TMBIM4: variants seen among roughly 807,000 people sequenced by gnomAD.
The protein encoded by TMBIM4 is transmembrane BAX inhibitor motif containing 4.
Under a neutral mutation model 27.7 loss-of-function variants are expected in TMBIM4, and 28 were observed. That is an observed-to-expected ratio of 1.01 (90% CI 0.75 to 1.38). TMBIM4 has a LOEUF of 1.38. TMBIM4 is among the 40% of genes most tolerant of loss of function. TMBIM4 has a pLI of 0.00. For missense variants in TMBIM4, 265 were observed against 277.5 expected (o/e 0.95, Z 0.32); for synonymous variants, 115 against 113.1 (o/e 1.02, Z -0.11).
chr12:66,149,733 G>A (rs2051814472), intron 3 of TMBIM4, among the ~76,000 whole-genome samples: 1 of 152,152 alleles, frequency 6.6e-6, no homozygotes, highest in Non-Finnish European at 1.5e-5. Context: ...ATGTAGCTCA[G>A]AGTGTCTTTG....
At chr12:66,156,099 C>A (rs1359539129) in intron 1 of TMBIM4, among the ~76,000 whole-genome samples, 1 of 152,100 alleles carries the variant, frequency 6.6e-6, no homozygotes, top group Non-Finnish European at 1.5e-5. Context: ...GTATTGACAC[C>A]CATTGTGAAT....
intron 6 of TMBIM4, 147 bp from the exon 7 acceptor site, chr12:66,138,313 C>T: frequency 4.9e-6 from 7 of 1,423,124 alleles, no homozygotes; most frequent in Admixed American, 6.1e-5. Context: ...CAGAAAAAGG[C>T]AAGGCAAGTC....
At position 66,169,842 on chromosome 12, in the gene TMBIM4, G is replaced by C. The variant is rs77200887; in HGVS notation, c.97+13C>G. 1.1e-5 allele frequency: 16 copies of C among 1,509,352 alleles called. No individual in the cohort carries two copies. The East Asian group carries it at 3.1e-4, about 29-fold the overall frequency. 93.5% of individuals were successfully genotyped at this position (1,509,352 alleles called of 1,614,324 possible). A position where few individuals can be genotyped will look rare whatever the true frequency, so the allele number is the denominator to read the frequency against. On this transcript the variant is annotated intron_variant, in intron 1 of 6. Coordinates refer to ENST00000358230, the MANE Select transcript of TMBIM4 (RefSeq NM_016056.4). The stretch of plus-strand genomic sequence containing the variant: ...ACAAGCGGCTGGGAGGCACTGGAGA[G>C]GGGACAACGTACCCATTCGGATGTG...
intron 1 of TMBIM4, chr12:66,160,401 C>A: frequency 1.3e-5 from 7 of 556,538 alleles, no homozygotes; most frequent in South Asian, 9.9e-5. Context: ...GAGAAATTTA[C>A]AAAGATATAA....
At chr12:66,151,357 C>G (rs547093987) in intron 3 of TMBIM4, among the ~76,000 whole-genome samples, 3 of 152,208 alleles carry the variant, frequency 2.0e-5, no homozygotes, top group East Asian at 3.9e-4. Context: ...CCCACCTCAG[C>G]CTCCCAAGTA....
chr12:66,168,951 G>A, intron 1 of TMBIM4: 1 of 205,742 alleles, frequency 4.9e-6, no homozygotes, highest in Non-Finnish European at 9.8e-6. Context: ...TTAAAAAAAA[G>A]CTGAGTTCAC....
rs1396444492 is a variant in TMBIM4 at position 66,153,390 on chromosome 12, A to G, written c.156T>C (p.Thr52=). Reference sequence around the variant, plus strand: ...ACTCAAAGTATAAAAAAACTGTTGAAGTCACTGTAGTTAAGAGAACCTGCA... The same window carrying G: ...ACTCAAAGTATAAAAAAACTGTTGAGGTCACTGTAGTTAAGAGAACCTGCA... ...LSLQVLLTTV[T]STVFLYFESV... Residue 52 remains threonine, a synonymous_variant, in exon 2 of 7, where the codon ACT becomes ACC. Coordinates refer to ENST00000358230, the MANE Select transcript of TMBIM4 (RefSeq NM_016056.4). The G allele has an allele frequency of 7.5e-6, 12 of 1,602,740 alleles. No homozygotes were observed. The highest frequency in any genetic ancestry group is 1.0e-5 in the Non-Finnish European group (12 of 1,176,430).
chr12:66,152,213 C>A (rs1565785186), intron 3 of TMBIM4, 58 bp downstream of exon 3: 10 of 1,002,012 alleles, frequency 1.0e-5, no homozygotes, highest in African/African-American at 1.6e-5. Flanking sequence ...ATTATATATG[C>A]ATTTATTTAA....
chr12:66,153,873 A>C (rs1362336072), intron 1 of TMBIM4, among the ~76,000 whole-genome samples: 2 of 152,178 alleles, frequency 1.3e-5, no homozygotes, highest in African/African-American at 4.8e-5. Context: ...CAAAAATAGT[A>C]AAACTATTTC....
rs1453963543 is a variant in TMBIM4 at position 66,152,286 on chromosome 12, G to A, written c.297C>T (p.Tyr99=). 4 of 1,591,202 alleles carry A rather than the reference G, an allele frequency of 2.5e-6. No individual in the cohort carries two copies. The South Asian group carries it at 4.6e-5, about 18-fold the overall frequency. ...LNRHKYPLNL[Y]LLFGFTLLEA... ...GAGTACTCACAAATCCAAAAAGTAG[G>A]TACAGGTTAAGGGGATACTTATGTC... Residue 99 remains tyrosine (Y), a synonymous_variant, in exon 3 of 7, where the codon TAC becomes TAT. Coordinates refer to ENST00000358230, the MANE Select transcript of TMBIM4 (RefSeq NM_016056.4).
intron 3 of TMBIM4, among the ~76,000 whole-genome samples, chr12:66,148,401 C>T (rs1184861268): frequency 6.6e-6 from 1 of 152,144 alleles, no homozygotes; most frequent in African/African-American, 2.4e-5. Context: ...AGAATTTTTA[C>T]CTGGACACAT....
At chr12:66,149,476 A>T (rs2051808880) in intron 3 of TMBIM4, among the ~76,000 whole-genome samples, 1 of 150,496 alleles carries the variant, frequency 6.6e-6, no homozygotes. Flanking sequence ...AAAGAAAGAA[A>T]TTTTTTTGGG....
At chr12:66,148,994 C>T (rs1409188635) in intron 3 of TMBIM4, among the ~76,000 whole-genome samples, 1 of 152,126 alleles carries the variant, frequency 6.6e-6, no homozygotes, top group Non-Finnish European at 1.5e-5. Context: ...GTAGAAGCAT[C>T]CCTGTACTCC....
intron 5 of TMBIM4, among the ~76,000 whole-genome samples, chr12:66,142,968 C>G (rs1456604432): frequency 6.6e-6 from 1 of 152,180 alleles, no homozygotes; most frequent in African/African-American, 2.4e-5. Context: ...AAGTTGAAAT[C>G]TGACACACTT....
At chr12:66,142,344 A>G (rs1195064571) in intron 5 of TMBIM4, among the ~76,000 whole-genome samples, 1 of 150,944 alleles carries the variant, frequency 6.6e-6, no homozygotes, top group African/African-American at 2.4e-5. Flanking sequence ...GGAAATTCCA[A>G]CGTTCCTGCA....
At chr12:66,149,592 ATAAGAGT>A (rs2051811765) in intron 3 of TMBIM4, among the ~76,000 whole-genome samples, 1 of 152,154 alleles carries the variant, frequency 6.6e-6, no homozygotes, top group South Asian at 2.1e-4. Flanking sequence ...GATGGTATAA[ATAAGAGT>A]TAAGATAAGA....
rs2051599937 is a variant in TMBIM4, at chr12:66,137,765, A to G, written c.*195T>C. ...TAAATCAAGGATTTAGAAATGAGGTATCATAAAGAATAGTAAGATTTTAAA... is the reference window on the plus strand; with the variant it reads ...TAAATCAAGGATTTAGAAATGAGGTGTCATAAAGAATAGTAAGATTTTAAA... On this transcript the variant is annotated 3_prime_UTR_variant, in exon 7 of 7. Coordinates refer to ENST00000358230, the MANE Select transcript of TMBIM4 (RefSeq NM_016056.4). The G allele has an allele frequency of 3.7e-6, 2 of 537,956 alleles. No homozygotes were observed. Among genetic ancestry groups the G allele is most frequent in the Non-Finnish European group, 6.6e-6 (2 of 305,008 alleles). 33.3% of individuals were successfully genotyped at this position (537,956 alleles called of 1,614,324 possible). A position where few individuals can be genotyped will look rare whatever the true frequency, so the allele number is the denominator to read the frequency against.
At position 66,137,719 on chromosome 12, in the gene TMBIM4, G is replaced by C. The variant is rs2136839904; in HGVS notation, c.*241C>G. On this transcript the variant is annotated 3_prime_UTR_variant, in exon 7 of 7. Transcript: ENST00000358230. ...AGAAAAGCATTTTTAATAGAATTTTGATAGCTCTTAACTGAGATCCTAAAT... is the reference window on the plus strand; with the variant it reads ...AGAAAAGCATTTTTAATAGAATTTTCATAGCTCTTAACTGAGATCCTAAAT... The C allele has an allele frequency of 2.4e-6, 1 of 416,058 alleles. No individual in the cohort carries two copies. Among genetic ancestry groups the C allele is most frequent in the East Asian group, 4.9e-5 (1 of 20,318 alleles). 25.8% of individuals were successfully genotyped at this position (416,058 alleles called of 1,614,324 possible). A position where few individuals can be genotyped will look rare whatever the true frequency, so the allele number is the denominator to read the frequency against.
chr12:66,141,913 T>C (rs2051675217), intron 5 of TMBIM4, among the ~76,000 whole-genome samples: 1 of 152,152 alleles, frequency 6.6e-6, no homozygotes, highest in South Asian at 2.1e-4. Context: ...CTCACATTGA[T>C]AAAACAAGTA....
Sources: allele counts gnomAD v4.1 joint callset (sites outside exome capture counted in the v4.1 genomes callset), GRCh38; gene constraint gnomAD v4.1.1; transcripts MANE v1.5; gene names NCBI Gene and HGNC (gene_info 2026-07-23, HGNC 2026-07-21).